Variants in FGF14 observed in about 807,000 individuals in gnomAD.
FGF14 encodes fibroblast growth factor 14, also known as fibroblast growth factor homologous factor 4.
FGF14 carries 5 observed loss-of-function variants against 25.5 expected under a neutral mutation model. The ratio of observed to expected loss-of-function variants is 0.20; its 90% confidence interval spans 0.10 to 0.41. FGF14 has a LOEUF of 0.41. Ranked by LOEUF, FGF14 falls within the 10% of genes least tolerant of loss-of-function variation. The pLI, the probability that FGF14 is intolerant of heterozygous loss-of-function variation, is 1.00. For synonymous variants in FGF14, 138 were observed against 118.3 expected, an observed-to-expected ratio of 1.17 and a Z score of -1.08; for missense variants, 222 against 320.1, an observed-to-expected ratio of 0.69 and a Z score of 2.34.
chr13:102,034,018 GCT>G (rs1319170235), intron 1 of FGF14, among the ~76,000 whole-genome samples: 1 of 152,082 alleles, frequency 6.6e-6, no homozygotes, highest in African/African-American at 2.4e-5. Context: ...GAAAATGCAA[GCT>G]CTGTGTTTGC....
At chr13:101,918,094 G>C (rs1301788302), upstream of FGF14, among the ~76,000 whole-genome samples, 1 of 146,608 alleles carries the variant, frequency 6.8e-6, no homozygotes, top group African/African-American at 2.7e-5. Flanking sequence ...AACAGCCGGC[G>C]TCTCCTCCCC....
chr13:101,955,111 G>T (rs1015984720), intron 1 of FGF14, among the ~76,000 whole-genome samples: 3 of 152,170 alleles, frequency 2.0e-5, no homozygotes, highest in African/African-American at 7.2e-5. Context: ...GTGGATGGGC[G>T]CATTCCCAGC....
intron 1 of FGF14, among the ~76,000 whole-genome samples, chr13:102,272,315 T>G (rs2053288788): frequency 6.6e-6 from 1 of 152,236 alleles, no homozygotes; most frequent in African/African-American, 2.4e-5. Context: ...CCTTTGTCTT[T>G]TAATCATTTC....
At position 102,226,155 on chromosome 13, in the gene FGF14, T is replaced by C. The variant is rs1158614573; in HGVS notation, c.208+175316A>G. Among the ~76,000 whole-genome samples the C allele has an allele frequency of 3.3e-5, 5 of 152,204 alleles. No individual in the cohort carries two copies. The East Asian group carries it at 9.6e-4, about 29-fold the overall frequency. On this transcript the variant is annotated intron_variant, in intron 1 of 4. Transcript: ENST00000376131. ...TTACAGCACACTTCCTAAGATGCTA[T>C]ATGTGGTGGTTACAAAGGTGGGCTC...
intron 1 of FGF14, among the ~76,000 whole-genome samples, chr13:102,068,938 G>C (rs367986639): frequency 1.1e-5 from 1 of 94,270 alleles, no homozygotes; most frequent in Non-Finnish European, 1.8e-5. Flanking sequence ...CTGGGCTCCT[G>C]ATCTGGTGGG....
In FGF14 at chr13:101,970,869, T is replaced by C. The variant is rs763359118; in HGVS notation, c.209-95573A>G. Among the ~76,000 whole-genome samples the C allele has an allele frequency of 2.8e-4, 42 of 152,142 alleles. 1 individual carries two copies. Among genetic ancestry groups the C allele is most frequent in the Admixed American group, 2.0e-3 (31 of 15,268 alleles). On this transcript the variant is annotated intron_variant, in intron 1 of 4. Coordinates refer to the FGF14 transcript ENST00000376131. Reference sequence around the variant, plus strand: ...TGCATTCACTCTACCAACCCTCCCATAGCCTGTCACCACCACCCTCCAGGA... The same window carrying C: ...TGCATTCACTCTACCAACCCTCCCACAGCCTGTCACCACCACCCTCCAGGA...
intron 1 of FGF14, among the ~76,000 whole-genome samples, chr13:101,911,627 A>C (rs2139080131): frequency 6.6e-6 from 1 of 152,152 alleles, no homozygotes; most frequent in East Asian, 1.9e-4. Flanking sequence ...TTCATTGACC[A>C]ATCTGGTAAT....
intron 1 of FGF14, among the ~76,000 whole-genome samples, chr13:102,142,001 A>G (rs9557811): frequency 0.14 from 21,285 of 152,194 alleles, 1,509 homozygotes; most frequent in East Asian, 0.15. Flanking sequence ...TCTCAAAAAT[A>G]AAGTACACAT....
intron 1 of FGF14, chr13:101,967,722 A>C (rs1263364397): frequency 6.5e-6 from 1 of 154,316 alleles, no homozygotes; most frequent in Non-Finnish European, 1.5e-5. Flanking sequence ...GGAGGTGGTA[A>C]AACACAAATG....
intron 1 of FGF14, among the ~76,000 whole-genome samples, chr13:102,112,449 G>C (rs750417077): frequency 1.3e-5 from 2 of 151,928 alleles, no homozygotes; most frequent in Non-Finnish European, 2.9e-5. Context: ...CACACCACCC[G>C]CAAGTTTTGT....
chr13:102,153,987 A>T (rs1204244885), intron 1 of FGF14, among the ~76,000 whole-genome samples: 2 of 152,170 alleles, frequency 1.3e-5, no homozygotes, highest in Non-Finnish European at 2.9e-5. Flanking sequence ...ATCAATATTT[A>T]AAGAGGTTAA....
Position 102,388,376 on chromosome 13 carries a change from G to A in FGF14, c.208+13095C>T, listed in dbSNP as rs79064371. 9.3e-3 allele frequency among the ~76,000 whole-genome samples: 1,414 copies of A among 152,272 alleles called. 21 individuals are homozygous for A. Among genetic ancestry groups the A allele is most frequent in the African/African-American group, 0.032 (1,346 of 41,540 alleles). On this transcript the variant is annotated intron_variant, in intron 1 of 4. Transcript: ENST00000376131. ...ATGCTCAGACAACTATCAACTACATGTAACAACAACATAAATGTACCTGCT... is the reference window on the plus strand; with the variant it reads ...ATGCTCAGACAACTATCAACTACATATAACAACAACATAAATGTACCTGCT...
At chr13:102,123,969 A>G (rs2045844559) in intron 1 of FGF14, among the ~76,000 whole-genome samples, 1 of 152,190 alleles carries the variant, frequency 6.6e-6, no homozygotes, top group Non-Finnish European at 1.5e-5. Flanking sequence ...TATATTTAGA[A>G]TTAGATGCAG....
intron 1 of FGF14, among the ~76,000 whole-genome samples, chr13:102,185,991 AG>A (rs1219180721): frequency 6.6e-6 from 1 of 152,198 alleles, no homozygotes; most frequent in Non-Finnish European, 1.5e-5. Context: ...TAATAATAAA[AG>A]TATATTTAAT....
At chr13:101,839,991 C>T (rs2043119945) in intron 3 of FGF14, among the ~76,000 whole-genome samples, 1 of 151,928 alleles carries the variant, frequency 6.6e-6, no homozygotes, top group Admixed American at 6.6e-5. Context: ...GTCCCTTTAA[C>T]TCCAGCAGTT....
chr13:101,854,268 T>C (rs1457101291), intron 3 of FGF14, among the ~76,000 whole-genome samples: 1 of 152,136 alleles, frequency 6.6e-6, no homozygotes, highest in Non-Finnish European at 1.5e-5. Context: ...GCTGTTATCA[T>C]AATTTTAGTC....
rs1474729787 is a variant in FGF14 at position 102,390,791 on chromosome 13, A to C, written c.208+10680T>G. ...AAATAATTCAGAACATTTCTGTTAAAGCAAAAGAGTAATATAATTTTAAAA... is the reference window on the plus strand; with the variant it reads ...AAATAATTCAGAACATTTCTGTTAACGCAAAAGAGTAATATAATTTTAAAA... On this transcript the variant is annotated intron_variant, in intron 1 of 4. Transcript: ENST00000376131. Among the ~76,000 whole-genome samples the C allele has an allele frequency of 2.0e-5, 3 of 152,342 alleles. No homozygotes were observed. The East Asian group carries it at 5.8e-4, about 29-fold the overall frequency.
At chr13:102,189,239 T>C (rs2049029829) in intron 1 of FGF14, among the ~76,000 whole-genome samples, 1 of 152,134 alleles carries the variant, frequency 6.6e-6, no homozygotes, top group Admixed American at 6.5e-5. Flanking sequence ...AAGTTGGTTT[T>C]AGTCAAATTG....
At chr13:101,864,743 G>A (rs1333104956) in intron 3 of FGF14, among the ~76,000 whole-genome samples, 1 of 152,092 alleles carries the variant, frequency 6.6e-6, no homozygotes, top group Non-Finnish European at 1.5e-5. Context: ...TTACGACCGC[G>A]AAGATGCCTG....
Sources: gnomAD v4.1 joint callset for allele counts (sites outside exome capture counted in the v4.1 genomes callset) on GRCh38, gnomAD v4.1.1 for gene constraint, MANE v1.5 for transcripts, NCBI Gene and HGNC (gene_info 2026-07-23, HGNC 2026-07-21) for gene names.